The following PDE10A variants were observed in gnomAD, a reference collection of about 807,000 sequenced individuals.
PDE10A encodes cAMP and cAMP-inhibited cGMP 3',5'-cyclic phosphodiesterase 10A.
In PDE10A, 39 loss-of-function variants were observed where a neutral mutation model predicts 97.7. That is an observed-to-expected ratio of 0.40 (90% CI 0.31 to 0.52). PDE10A has a LOEUF of 0.52. Ranked by LOEUF, PDE10A falls within the 20% of genes least tolerant of loss-of-function variation. The pLI, the probability that PDE10A is intolerant of heterozygous loss-of-function variation, is 0.56. For synonymous variants in PDE10A, 371 were observed against 376.8 expected, an observed-to-expected ratio of 0.98 and a Z score of 0.18; for missense variants, 731 against 1,047.8, an observed-to-expected ratio of 0.70 and a Z score of 4.17.
At chr6:165,806,865 T>G (rs1347296530) in intron 1 of PDE10A, among the ~76,000 whole-genome samples, 1 of 152,222 alleles carries the variant, frequency 6.6e-6, no homozygotes, top group Non-Finnish European at 1.5e-5. Flanking sequence ...AAAGGAAGGT[T>G]GGTCATAAAG....
chr6:165,749,642 A>G (rs1792951525), intron 1 of PDE10A, among the ~76,000 whole-genome samples: 1 of 152,252 alleles, frequency 6.6e-6, no homozygotes, highest in African/African-American at 2.4e-5. Flanking sequence ...GCACCTTTTA[A>G]TGCACCTCCA....
At chr6:165,524,852 G>A (rs893445532) in intron 2 of PDE10A, among the ~76,000 whole-genome samples, 5 of 152,154 alleles carry the variant, frequency 3.3e-5, no homozygotes, top group African/African-American at 1.2e-4. Context: ...ACATAGAGGA[G>A]GACCCTGATG....
intron 18 of PDE10A, among the ~76,000 whole-genome samples, chr6:165,367,314 A>T (rs777310316): frequency 1.6e-5 from 2 of 126,796 alleles, no homozygotes; most frequent in Non-Finnish European, 3.3e-5. Flanking sequence ...TTAACTACAG[A>T]TTGGACAGAA....
chr6:165,659,696 T>C lies in PDE10A; in HGVS notation c.865+2251A>G, dbSNP rs188229733. Among the ~76,000 whole-genome samples the C allele has an allele frequency of 7.0e-4, 106 of 152,312 alleles. 2 individuals are homozygous for C. In the East Asian group the frequency reaches 0.019, roughly 27 times the overall value. On this transcript the variant is annotated intron_variant, in intron 1 of 21. Coordinates refer to ENST00000539869, the MANE Select transcript of PDE10A (RefSeq NM_001385079.1). ...AAGGTGTGGGGCGAGGGGGCCTTTCTTGAAAGTTCCCTGATGAGTCTGGTT... is the reference window on the plus strand; with the variant it reads ...AAGGTGTGGGGCGAGGGGGCCTTTCCTGAAAGTTCCCTGATGAGTCTGGTT...
intron 1 of PDE10A, among the ~76,000 whole-genome samples, chr6:165,684,982 C>T (rs1171422238): frequency 1.3e-5 from 2 of 152,104 alleles, no homozygotes; most frequent in African/African-American, 4.8e-5. Context: ...AATAGAATGC[C>T]TTTGTTAGCC....
chr6:165,931,878 G>A (rs1382868000), intron 1 of PDE10A, among the ~76,000 whole-genome samples: 1 of 152,172 alleles, frequency 6.6e-6, no homozygotes, highest in South Asian at 2.1e-4. Context: ...GGAGGTTGTT[G>A]AGAAGCAGGA....
At chr6:165,436,660 C>T (rs1005974760) in intron 5 of PDE10A, among the ~76,000 whole-genome samples, 13 of 152,104 alleles carry the variant, frequency 8.5e-5, no homozygotes, top group African/African-American at 3.1e-4. Context: ...AAGAACTAAG[C>T]TATTTAATAT....
chr6:165,334,448 C>T (rs183647297), intron 21 of PDE10A, among the ~76,000 whole-genome samples: 15 of 148,908 alleles, frequency 1.0e-4, no homozygotes, highest in Non-Finnish European at 1.8e-4. Context: ...CCTACAGCGC[C>T]GGGCACACGC....
intron 18 of PDE10A, among the ~76,000 whole-genome samples, chr6:165,361,291 A>T (rs1783409775): frequency 6.6e-6 from 1 of 152,224 alleles, no homozygotes; most frequent in African/African-American, 2.4e-5. Context: ...CCCAGGCTAA[A>T]TCAAATGTCA....
rs901625297 is a variant in PDE10A at position 165,327,857 on chromosome 6, T to C, written c.*5168A>G. Reference sequence around the variant, plus strand: ...TCTACAAATCAGTTCTTCATGAGCATTGTATTTGTGATGGCATATAACCTG... The same window carrying C: ...TCTACAAATCAGTTCTTCATGAGCACTGTATTTGTGATGGCATATAACCTG... On this transcript the variant is annotated 3_prime_UTR_variant, in exon 22 of 22. Transcript: ENST00000539869. The C allele has an allele frequency of 2.0e-5, 3 of 152,260 alleles. No homozygotes were observed. Among genetic ancestry groups the C allele is most frequent in the African/African-American group, 7.2e-5 (3 of 41,472 alleles). 9.4% of individuals were successfully genotyped at this position (152,260 alleles called of 1,614,324 possible).
At chr6:165,527,509 C>T (rs2128312510) in intron 2 of PDE10A, among the ~76,000 whole-genome samples, 1 of 152,260 alleles carries the variant, frequency 6.6e-6, no homozygotes, top group South Asian at 2.1e-4. Flanking sequence ...CTGCCATCTC[C>T]ACCAGATAAC....
At chr6:165,854,139 GGC>G (rs2128475294) in intron 1 of PDE10A, among the ~76,000 whole-genome samples, 1 of 152,338 alleles carries the variant, frequency 6.6e-6, no homozygotes, top group East Asian at 1.9e-4. Flanking sequence ...CCGTGCCACG[GGC>G]GCAGCGCAGC....
At position 165,786,030 on chromosome 6, in the gene PDE10A, A is replaced by G. The variant is rs528498007; in HGVS notation, c.-615+201499T>C. ...TATTCCTCATTAATGTCATTCAACG[A>G]TATTCACAATGAGTTGCGACTTCCT... On this transcript the variant is annotated intron_variant, in intron 1 of 19. Transcript: ENST00000366882. 9.8e-5 allele frequency among the ~76,000 whole-genome samples: 15 copies of G among 152,356 alleles called. No individual in the cohort carries two copies. In the South Asian group the frequency reaches 3.1e-3, roughly 32 times the overall value.
intron 1 of PDE10A, among the ~76,000 whole-genome samples, chr6:165,841,479 A>C (rs1346723388): frequency 6.6e-6 from 1 of 152,178 alleles, no homozygotes; most frequent in Non-Finnish European, 1.5e-5. Flanking sequence ...CAGCGCACAC[A>C]CCATTGCTGG....
intron 1 of PDE10A, among the ~76,000 whole-genome samples, chr6:165,762,573 T>C (rs1171745715): frequency 6.6e-6 from 1 of 152,122 alleles, no homozygotes; most frequent in Non-Finnish European, 1.5e-5. Context: ...TCTGTAATTA[T>C]ATTTTACAAT....
chr6:165,475,101 C>G (rs1256192574), intron 3 of PDE10A, among the ~76,000 whole-genome samples: 1 of 152,180 alleles, frequency 6.6e-6, no homozygotes, highest in Non-Finnish European at 1.5e-5. Context: ...TGCCCTGGAA[C>G]TCACTAGCAT....
chr6:165,750,518 G>C (rs1371512311), intron 1 of PDE10A, among the ~76,000 whole-genome samples: 1 of 152,118 alleles, frequency 6.6e-6, no homozygotes, highest in Admixed American at 6.5e-5. Context: ...CTGGACCTCA[G>C]ACTTGTCAAG....
intron 1 of PDE10A, among the ~76,000 whole-genome samples, chr6:165,633,937 A>C (rs772523323): frequency 6.6e-6 from 1 of 152,170 alleles, no homozygotes; most frequent in African/African-American, 2.4e-5. Context: ...GAATCCTTAT[A>C]AATTCAAATG....
At chr6:165,572,582 C>G (rs1457157656) in intron 1 of PDE10A, among the ~76,000 whole-genome samples, 2 of 152,188 alleles carry the variant, frequency 1.3e-5, no homozygotes, top group Non-Finnish European at 2.9e-5. Context: ...CTTTTGCTTC[C>G]TTGGTGACAA....
Sources: gnomAD v4.1 joint callset for allele counts (sites outside exome capture counted in the v4.1 genomes callset) on GRCh38, gnomAD v4.1.1 for gene constraint, MANE v1.5 for transcripts, NCBI Gene and HGNC (gene_info 2026-07-23, HGNC 2026-07-21) for gene names.